The following RSU1 variants were observed in gnomAD, a reference collection of about 807,000 sequenced individuals.
RSU1 encodes the protein rsu-1.
In RSU1, 26 loss-of-function variants were observed where a neutral mutation model predicts 31.1. The ratio of observed to expected loss-of-function variants is 0.84; its 90% CI spans 0.61 to 1.16. The LOEUF (loss-of-function observed/expected upper bound fraction) is 1.16, where lower values mean the gene tolerates loss of function less well. RSU1 is among the 50% of genes most tolerant of loss of function. RSU1 has a pLI of 0.00. For synonymous variants in RSU1, 164 were observed against 136.3 expected (o/e 1.20, Z -1.41); for missense variants, 320 against 339.1 (o/e 0.94, Z 0.44).
intron 2 of RSU1, among the ~76,000 whole-genome samples, chr10:16,784,914 G>A (rs1837739393): frequency 6.6e-6 from 1 of 152,150 alleles, no homozygotes; most frequent in Non-Finnish European, 1.5e-5. Context: ...GGCCAGGGCA[G>A]GAGGAAGTGG....
intron 4 of RSU1, among the ~76,000 whole-genome samples, chr10:16,763,584 C>T (rs1489568311): frequency 6.6e-6 from 1 of 152,168 alleles, no homozygotes; most frequent in East Asian, 1.9e-4. Context: ...CTGGGGATTA[C>T]AATTCCACAT....
rs1459772627 is a variant in RSU1 at position 16,816,883 on chromosome 10, T to G, written c.109+90A>C. 5 of 913,988 alleles carry G rather than the reference T, an allele frequency of 5.5e-6. No individual in the cohort carries two copies. In the Admixed American group the frequency reaches 9.4e-5, roughly 17 times the overall value. 56.6% of individuals were successfully genotyped at this position (913,988 alleles called of 1,614,324 possible). A position where few individuals can be genotyped will look rare whatever the true frequency, so the allele number is the denominator to read the frequency against. Reference sequence around the variant, plus strand: ...AAGCAGGGGCTGGGGTCTAAACCAGTACAATCGCTCACAGCAGGACCAGCA... The same window carrying G: ...AAGCAGGGGCTGGGGTCTAAACCAGGACAATCGCTCACAGCAGGACCAGCA... On this transcript the variant is annotated intron_variant, in intron 2 of 8. Coordinates refer to ENST00000345264, the MANE Select transcript of RSU1 (RefSeq NM_012425.4).
chr10:16,739,510 G>T (rs1413964113), intron 7 of RSU1, among the ~76,000 whole-genome samples: 2 of 121,040 alleles, frequency 1.7e-5, no homozygotes, highest in African/African-American at 6.6e-5. Flanking sequence ...TCGCTCTGTC[G>T]CCCAGGCTGG....
chr10:16,735,474 C>T lies in RSU1; in HGVS notation c.598+17065G>A, dbSNP rs1053756989. On this transcript the variant is annotated intron_variant, in intron 7 of 8. Coordinates refer to ENST00000345264, the MANE Select transcript of RSU1 (RefSeq NM_012425.4). ...TATCAAAAATTAATCCAGACTTTTG[C>T]TTCTGGCATTCTGAAGTAACTGGAC... Among the ~76,000 whole-genome samples, 7 of 152,308 alleles carry T rather than the reference C, an allele frequency of 4.6e-5. No homozygotes were observed. The South Asian group carries it at 6.2e-4, about 14-fold the overall frequency.
At chr10:16,739,046 C>CT (rs1336765104) in intron 7 of RSU1, among the ~76,000 whole-genome samples, 1 of 152,112 alleles carries the variant, frequency 6.6e-6, no homozygotes, top group Non-Finnish European at 1.5e-5. Context: ...TGAACTCATT[C>CT]TTTTTTATGG....
chr10:16,736,175 T>C (rs1836622056), intron 7 of RSU1, among the ~76,000 whole-genome samples: 1 of 152,104 alleles, frequency 6.6e-6, no homozygotes, highest in Non-Finnish European at 1.5e-5. Context: ...TTCCCATGAA[T>C]CTTTGCCAAA....
Position 16,755,038 on chromosome 10 carries a change from A to G in RSU1, c.282-49T>C, listed in dbSNP as rs773431581. On this transcript the variant is annotated intron_variant, in intron 4 of 8. Coordinates refer to ENST00000345264, the MANE Select transcript of RSU1 (RefSeq NM_012425.4). ...ATGTCATGACACCAAAGACACATTC[A>G]TACAGACTATCAAGGGCACCTCTGT... The G allele has an allele frequency of 2.7e-6, 3 of 1,104,724 alleles. No individual in the cohort carries two copies. The South Asian group carries it at 3.9e-5, about 14-fold the overall frequency. The allele number at this position is 1,104,724 out of a possible 1,614,324, so 68.4% of individuals were successfully genotyped here.
chr10:16,716,012 T>C (rs992528694), intron 7 of RSU1, among the ~76,000 whole-genome samples: 5 of 152,204 alleles, frequency 3.3e-5, no homozygotes, highest in Non-Finnish European at 7.3e-5. Flanking sequence ...CTTAATCAGA[T>C]AATTTATTTA....
chr10:16,717,475 C>T (rs1323441645), intron 7 of RSU1, among the ~76,000 whole-genome samples: 1 of 152,076 alleles, frequency 6.6e-6, no homozygotes, highest in East Asian at 1.9e-4. Flanking sequence ...TTCACTTGTT[C>T]TCAGGTTTAA....
intron 7 of RSU1, among the ~76,000 whole-genome samples, chr10:16,751,116 T>G (rs541780442): frequency 6.6e-6 from 1 of 152,096 alleles, no homozygotes; most frequent in Non-Finnish European, 1.5e-5. Flanking sequence ...ATCCGCCTGC[T>G]TCGGCCTCCC....
chr10:16,747,472 C>G (rs1265210393), intron 7 of RSU1, among the ~76,000 whole-genome samples: 1 of 151,582 alleles, frequency 6.6e-6, no homozygotes, highest in Non-Finnish European at 1.5e-5. Flanking sequence ...TCCCAGCCTT[C>G]CAGTTGCTTA....
chr10:16,731,121 T>C (rs1836503717), intron 7 of RSU1, among the ~76,000 whole-genome samples: 1 of 152,176 alleles, frequency 6.6e-6, no homozygotes. Context: ...GCCTTGTAAA[T>C]GCAATCTTAT....
At chr10:16,604,812 C>T (rs539040547) in intron 8 of RSU1, among the ~76,000 whole-genome samples, 1 of 152,084 alleles carries the variant, frequency 6.6e-6, no homozygotes, top group South Asian at 2.1e-4. Flanking sequence ...CCCTGGGTGC[C>T]GTAACTGGTT....
intron 2 of RSU1, among the ~76,000 whole-genome samples, chr10:16,799,709 TAACA>T (rs762631835): frequency 1.3e-5 from 2 of 152,086 alleles, no homozygotes; most frequent in Non-Finnish European, 2.9e-5. Flanking sequence ...CTGCTCTCCT[TAACA>T]AACAGAGAAA....
At position 16,686,230 on chromosome 10, in the gene RSU1, T is replaced by C. The variant is rs116354050; in HGVS notation, c.731+8793A>G. Among the ~76,000 whole-genome samples the C allele has an allele frequency of 1.1e-4, 17 of 152,262 alleles. No individual in the cohort carries two copies. The South Asian group carries it at 3.3e-3, about 30-fold the overall frequency. On this transcript the variant is annotated intron_variant, in intron 8 of 8. Coordinates refer to ENST00000345264, the MANE Select transcript of RSU1 (RefSeq NM_012425.4). ...AAAACAAGTTATTACTGTGTAGAGA[T>C]TAGAAACCACAAACAGTTTTGTTTG...
At chr10:16,628,225 T>A (rs892893790) in intron 8 of RSU1, among the ~76,000 whole-genome samples, 5 of 152,198 alleles carry the variant, frequency 3.3e-5, no homozygotes, top group African/African-American at 1.2e-4. Flanking sequence ...ATCCTAGAAG[T>A]TAGGGTGGAT....
chr10:16,665,020 T>G (rs1834962572), intron 8 of RSU1, among the ~76,000 whole-genome samples: 1 of 152,204 alleles, frequency 6.6e-6, no homozygotes, highest in Non-Finnish European at 1.5e-5. Context: ...CTCAGTTCAC[T>G]GCAACCTCAG....
chr10:16,666,507 G>A (rs1268000124), intron 8 of RSU1, among the ~76,000 whole-genome samples: 2 of 152,226 alleles, frequency 1.3e-5, no homozygotes, highest in African/African-American at 2.4e-5. Context: ...GCCAGGCGTG[G>A]TGGCTCACAC....
intron 8 of RSU1, among the ~76,000 whole-genome samples, chr10:16,622,977 AACTGTAATAATTAACAC>A (rs1383289329): frequency 6.6e-6 from 1 of 152,216 alleles, no homozygotes; most frequent in Non-Finnish European, 1.5e-5. Flanking sequence ...ACTTGAAAAA[AACTGTAATAATTAACAC>A]ACTGTGTAAA....
Sources: allele counts gnomAD v4.1 joint callset (sites outside exome capture counted in the v4.1 genomes callset), GRCh38; gene constraint gnomAD v4.1.1; transcripts MANE v1.5; gene names NCBI Gene and HGNC (gene_info 2026-07-23, HGNC 2026-07-21).